Variants in C12orf42 observed in about 807,000 individuals in gnomAD.
C12orf42 encodes uncharacterized protein C12orf42.
Under a neutral mutation model 21.6 loss-of-function variants are expected in C12orf42, and 25 were observed. The observed-to-expected ratio is 1.16, with a 90% confidence interval of 0.84 to 1.62. The LOEUF (loss-of-function observed/expected upper bound fraction) is 1.62. C12orf42 is among the 40% of genes most tolerant of loss of function. The pLI is 0.00. For missense variants in C12orf42, 483 were observed against 459.3 expected (o/e 1.05, Z -0.47); for synonymous variants, 174 against 175.0 (o/e 0.99, Z 0.05).
At chr12:103,539,400 T>C in the C12orf42 span, among the ~76,000 whole-genome samples, 1 of 152,046 alleles carries the variant, frequency 6.6e-6, no homozygotes, top group Non-Finnish European at 1.5e-5. Context: ...TATCAACCAC[T>C]ATCCAATGCA....
chr12:103,486,351 G>A (rs1207679876), intron 1 of C12orf42, among the ~76,000 whole-genome samples: 2 of 152,072 alleles, frequency 1.3e-5, no homozygotes, highest in Non-Finnish European at 2.9e-5. Context: ...TAAGCTTTTC[G>A]GTGTGCTGCT....
chr12:103,317,560 G>T (rs1013980450), intron 4 of C12orf42, among the ~76,000 whole-genome samples: 2 of 152,208 alleles, frequency 1.3e-5, no homozygotes, highest in Non-Finnish European at 2.9e-5. Flanking sequence ...TGGTCTGAGA[G>T]CCAGAGCATT....
intron 2 of C12orf42, among the ~76,000 whole-genome samples, chr12:103,435,728 C>T (rs899470630): frequency 1.3e-5 from 2 of 151,712 alleles, no homozygotes; most frequent in Non-Finnish European, 2.9e-5. Flanking sequence ...ATGAGCAAAG[C>T]CTCCAAGAAA....
chr12:103,127,422 G>T, the C12orf42 span, among the ~76,000 whole-genome samples: 1 of 152,074 alleles, frequency 6.6e-6, no homozygotes, highest in South Asian at 2.1e-4. Context: ...CAAAACTGTG[G>T]TCTATAACAT....
intron 4 of C12orf42, among the ~76,000 whole-genome samples, chr12:103,329,154 G>A (rs111466120): frequency 0.16 from 23,488 of 151,230 alleles, 1,942 homozygotes; most frequent in Middle Eastern, 0.24. Context: ...CAGGGACGCA[G>A]GCATGCATTC....
chr12:103,150,862 G>A, the C12orf42 span, among the ~76,000 whole-genome samples: 1 of 152,076 alleles, frequency 6.6e-6, no homozygotes, highest in Non-Finnish European at 1.5e-5. Flanking sequence ...TCACCATTTT[G>A]CTCAAGAAAA....
At chr12:103,542,701 T>C in the C12orf42 span, among the ~76,000 whole-genome samples, 1 of 152,252 alleles carries the variant, frequency 6.6e-6, no homozygotes, top group South Asian at 2.1e-4. Flanking sequence ...TTACATCCCC[T>C]TCAAGATTTT....
At chr12:103,058,308 T>G in the C12orf42 span, among the ~76,000 whole-genome samples, 1 of 152,194 alleles carries the variant, frequency 6.6e-6, no homozygotes, top group Non-Finnish European at 1.5e-5. Flanking sequence ...TTTGCCCACT[T>G]TTTAATGGGG....
At chr12:103,280,533 G>T (rs1374439183) in intron 4 of C12orf42, among the ~76,000 whole-genome samples, 2 of 152,082 alleles carry the variant, frequency 1.3e-5, no homozygotes, top group African/African-American at 4.8e-5. Flanking sequence ...GCAGGAGAAT[G>T]ACTTCAGCTG....
chr12:103,056,493 A>AGG, the C12orf42 span, among the ~76,000 whole-genome samples: 1 of 152,232 alleles, frequency 6.6e-6, no homozygotes. Context: ...CTTGTGACAA[A>AGG]TTCTGAAAGT....
At chr12:103,141,421 T>C in the C12orf42 span, among the ~76,000 whole-genome samples, 1 of 152,130 alleles carries the variant, frequency 6.6e-6, no homozygotes, top group Non-Finnish European at 1.5e-5. Context: ...TTTAATGACA[T>C]GCAGGCTGAA....
chr12:103,488,683 G>A (rs1046186752), intron 1 of C12orf42, among the ~76,000 whole-genome samples: 13 of 151,920 alleles, frequency 8.6e-5, no homozygotes, highest in South Asian at 4.2e-4. Context: ...TTGTCTTCTC[G>A]CTTTATTTCA....
the C12orf42 span, among the ~76,000 whole-genome samples, chr12:103,195,269 A>G: frequency 3.3e-5 from 5 of 152,108 alleles, no homozygotes; most frequent in Non-Finnish European, 5.9e-5. Flanking sequence ...ATGCATGTGT[A>G]TTTATGGTAG....
the C12orf42 span, among the ~76,000 whole-genome samples, chr12:103,122,500 AAGGAGGGATGATAGGG>A: frequency 6.6e-6 from 1 of 152,224 alleles, no homozygotes; most frequent in African/African-American, 2.4e-5. Context: ...GAAATGAAAC[AAGGAGGGATGATAGGG>A]AGTGTTGGTA....
the C12orf42 span, among the ~76,000 whole-genome samples, chr12:103,185,609 T>C: frequency 6.6e-6 from 1 of 152,166 alleles, no homozygotes; most frequent in Non-Finnish European, 1.5e-5. Context: ...AGATCTCATC[T>C]TGAATTATAC....
chr12:103,482,664 G>C (rs188842140), intron 1 of C12orf42, among the ~76,000 whole-genome samples: 1 of 152,112 alleles, frequency 6.6e-6, no homozygotes, highest in East Asian at 1.9e-4. Flanking sequence ...TTCTGAGAAG[G>C]GTTTCAGTCG....
At chr12:103,415,460 A>G (rs1310861845) in intron 2 of C12orf42, among the ~76,000 whole-genome samples, 1 of 152,178 alleles carries the variant, frequency 6.6e-6, no homozygotes, top group African/African-American at 2.4e-5. Context: ...ACTCCACTCA[A>G]CCACCACAGA....
intron 10 of C12orf42, among the ~76,000 whole-genome samples, chr12:103,238,306 T>A (rs918171593): frequency 1.3e-5 from 2 of 151,982 alleles, no homozygotes; most frequent in African/African-American, 4.8e-5. Flanking sequence ...ACAGATGACA[T>A]GGCCAGCAGA....
At chr12:103,127,030 T>C in the C12orf42 span, among the ~76,000 whole-genome samples, 4 of 152,240 alleles carry the variant, frequency 2.6e-5, no homozygotes, top group East Asian at 7.7e-4. Flanking sequence ...GTTTTACTTG[T>C]CAGATTATCA....
Sources: gnomAD v4.1 joint callset for allele counts (sites outside exome capture counted in the v4.1 genomes callset) on GRCh38, gnomAD v4.1.1 for gene constraint, MANE v1.5 for transcripts, NCBI Gene and HGNC (gene_info 2026-07-23, HGNC 2026-07-21) for gene names.